CNNM2: variants seen among roughly 807,000 people sequenced by gnomAD.
The protein encoded by CNNM2 is metal transporter CNNM2.
In CNNM2, 12 loss-of-function variants were observed where a neutral mutation model predicts 66.9. The observed-to-expected ratio is 0.18, with a 90% confidence interval of 0.11 to 0.29. The LOEUF (loss-of-function observed/expected upper bound fraction) is 0.29, where lower values mean the gene tolerates loss of function less well. Among genes scored for constraint, CNNM2 ranks in the 10% least tolerant of loss-of-function variants. The probability of loss-of-function intolerance (pLI) is 1.00; values close to 1 mark genes in which losing one functional copy is unlikely to be tolerated. For missense variants in CNNM2, 705 were observed against 1,167.7 expected (o/e 0.60, Z 5.77); for synonymous variants, 557 against 501.8 (o/e 1.11, Z -1.47).
chr10:102,977,105 A>G (rs1204629871), intron 1 of CNNM2, among the ~76,000 whole-genome samples: 1 of 152,164 alleles, frequency 6.6e-6, no homozygotes, highest in African/African-American at 2.4e-5. Context: ...TGTAAAACTG[A>G]TTGTCCTAAA....
intron 1 of CNNM2, among the ~76,000 whole-genome samples, chr10:103,035,940 C>A (rs762633331): frequency 1.3e-5 from 2 of 152,150 alleles, no homozygotes; most frequent in African/African-American, 2.4e-5. Context: ...GGATCGAATT[C>A]TCTGGCATAG....
At position 103,076,242 on chromosome 10, in the gene CNNM2, G is replaced by A. The variant is rs1477815087; in HGVS notation, c.2390G>A (p.Arg797Gln). The change falls in exon 7 of 8, where the codon CGA (arginine) becomes CAA (glutamine). Residue 797 changes from arginine (R) to glutamine (Q), a missense_variant. Arg to Gln is a conservative substitution (Grantham distance 43). Coordinates refer to ENST00000369878, the MANE Select transcript of CNNM2 (RefSeq NM_017649.5). ...LQVYIPDYSVRALSDLQFVKI... is the reference protein window; with the variant it reads ...LQVYIPDYSVQALSDLQFVKI... Reference sequence around the variant, plus strand: ...GTCTACATCCCCGATTACTCGGTGCGAGCCCTTTCGGATCTGCAGTTTGTT... The same window carrying A: ...GTCTACATCCCCGATTACTCGGTGCAAGCCCTTTCGGATCTGCAGTTTGTT... 2.6e-6 allele frequency: 4 copies of A among 1,564,614 alleles called. No homozygotes were observed. The highest frequency in any genetic ancestry group is 2.7e-5 in the African/African-American group (2 of 73,598).
chr10:102,935,158 C>CAAAAAAA (rs71753183), intron 1 of CNNM2, among the ~76,000 whole-genome samples: 2 of 82,482 alleles, frequency 2.4e-5, no homozygotes, highest in Non-Finnish European at 4.8e-5. Context: ...GACTCCATCT[C>CAAAAAAA]AAAAAAAAAA....
At chr10:103,003,422 A>G (rs2064163295) in intron 1 of CNNM2, among the ~76,000 whole-genome samples, 1 of 152,144 alleles carries the variant, frequency 6.6e-6, no homozygotes, top group Non-Finnish European at 1.5e-5. Flanking sequence ...CCCTCCTTCT[A>G]GTACTTTTTT....
chr10:102,985,414 C>A (rs1171642377), intron 1 of CNNM2, among the ~76,000 whole-genome samples: 2 of 152,132 alleles, frequency 1.3e-5, no homozygotes, highest in African/African-American at 4.8e-5. Context: ...GTGTCAACAT[C>A]ATTGAGAACT....
intron 4 of CNNM2, among the ~76,000 whole-genome samples, chr10:103,060,623 A>C (rs2065369025): frequency 6.6e-6 from 1 of 152,240 alleles, no homozygotes; most frequent in African/African-American, 2.4e-5. Flanking sequence ...ATTGTGATAC[A>C]TTCTCTTATG....
intron 1 of CNNM2, among the ~76,000 whole-genome samples, chr10:102,971,309 AC>A (rs1306914863): frequency 6.6e-6 from 1 of 152,014 alleles, no homozygotes; most frequent in Admixed American, 6.6e-5. Flanking sequence ...CACCCAGTAA[AC>A]AAAGGGGAAA....
intron 2 of CNNM2, among the ~76,000 whole-genome samples, chr10:103,050,451 C>T (rs192375909): frequency 1.3e-5 from 2 of 151,552 alleles, no homozygotes; most frequent in South Asian, 2.1e-4. Context: ...GCAGGAGAAT[C>T]GCTTGAACCC....
chr10:102,934,743 C>T (rs1374498485), intron 1 of CNNM2, among the ~76,000 whole-genome samples: 2 of 152,102 alleles, frequency 1.3e-5, no homozygotes, highest in African/African-American at 4.8e-5. Flanking sequence ...ACTTGGGAGG[C>T]TGAGGTGGGA....
intron 4 of CNNM2, among the ~76,000 whole-genome samples, chr10:103,066,703 T>C (rs1208155997): frequency 6.6e-6 from 1 of 152,230 alleles, no homozygotes; most frequent in African/African-American, 2.4e-5. Flanking sequence ...AAGATTTTTC[T>C]GGGAGCTTCT....
chr10:102,956,783 A>T (rs1847056193), intron 1 of CNNM2, among the ~76,000 whole-genome samples: 1 of 152,096 alleles, frequency 6.6e-6, no homozygotes, highest in African/African-American at 2.4e-5. Flanking sequence ...GAACACTTGG[A>T]CACAGGGCGG....
At chr10:103,046,026 G>A (rs186929916) in intron 1 of CNNM2, among the ~76,000 whole-genome samples, 2 of 152,202 alleles carry the variant, frequency 1.3e-5, no homozygotes, top group Non-Finnish European at 2.9e-5. Context: ...AGTTGATGGT[G>A]CCTTAGAATT....
At chr10:103,011,287 T>C (rs1195031780) in intron 1 of CNNM2, among the ~76,000 whole-genome samples, 1 of 152,100 alleles carries the variant, frequency 6.6e-6, no homozygotes, top group Non-Finnish European at 1.5e-5. Flanking sequence ...ACCCTGTCTC[T>C]ACTAAAAATA....
At chr10:102,990,416 G>A (rs1174471115) in intron 1 of CNNM2, among the ~76,000 whole-genome samples, 2 of 152,164 alleles carry the variant, frequency 1.3e-5, no homozygotes. Context: ...GAATAAAAGT[G>A]TGGAATGGCT....
At chr10:102,969,706 G>A (rs1048724799) in intron 1 of CNNM2, among the ~76,000 whole-genome samples, 1 of 151,622 alleles carries the variant, frequency 6.6e-6, no homozygotes, top group African/African-American at 2.4e-5. Context: ...GTGCAGTGTT[G>A]CGATCTCAGC....
chr10:103,087,479 TG>T lies in CNNM2; in HGVS notation c.*10301del, dbSNP rs1181534155. The T allele has an allele frequency of 1.3e-5, 2 of 152,150 alleles. No individual in the cohort carries two copies. The highest frequency in any genetic ancestry group is 1.3e-4 in the Admixed American group (2 of 15,280). 9.4% of individuals were successfully genotyped at this position (152,150 alleles called of 1,614,324 possible). ...TTTGGACCCAGAGAATCATTTGCCATGGAATCATCTGGCTAGTAAGACACTC... is the reference window on the plus strand; with the variant it reads ...TTTGGACCCAGAGAATCATTTGCCATGAATCATCTGGCTAGTAAGACACTC... On this transcript the variant is annotated 3_prime_UTR_variant, in exon 8 of 8. Transcript: ENST00000369878.
At chr10:102,941,442 TA>T (rs35442219) in intron 1 of CNNM2, among the ~76,000 whole-genome samples, 5 of 151,324 alleles carry the variant, frequency 3.3e-5, no homozygotes, top group Admixed American at 3.3e-4. Context: ...ATAGCCAGCA[TA>T]AAAAAAAATG....
rs2065837203 is a variant in CNNM2 at position 103,087,395 on chromosome 10, G to C, written c.*10215G>C. 1 of 151,952 alleles carries C rather than the reference G, an allele frequency of 6.6e-6. No individual in the cohort carries two copies. The highest frequency in any genetic ancestry group is 6.6e-5 in the Admixed American group (1 of 15,256). 9.4% of individuals were successfully genotyped at this position (151,952 alleles called of 1,614,324 possible). A position where few individuals can be genotyped will look rare whatever the true frequency, so the allele number is the denominator to read the frequency against. ...ATACGTTTTGGTGGTCCTACGGAGA[G>C]CTGTAACTAGCAGTGGAGTTGTTGC... On this transcript the variant is annotated 3_prime_UTR_variant, in exon 8 of 8. Coordinates refer to ENST00000369878, the MANE Select transcript of CNNM2 (RefSeq NM_017649.5).
chr10:103,046,943 C>G (rs1257366356), intron 1 of CNNM2, among the ~76,000 whole-genome samples: 1 of 152,086 alleles, frequency 6.6e-6, no homozygotes, highest in Non-Finnish European at 1.5e-5. Context: ...ACCAGTAGAC[C>G]TTTGGACTCT....
Sources: allele counts gnomAD v4.1 joint callset (sites outside exome capture counted in the v4.1 genomes callset), GRCh38; gene constraint gnomAD v4.1.1; transcripts MANE v1.5; gene names NCBI Gene and HGNC (gene_info 2026-07-23, HGNC 2026-07-21).